Variants in ZFHX4 observed in about 807,000 individuals in gnomAD.
ZFHX4 encodes the protein zinc finger homeobox 4.
Under a neutral mutation model 267.6 loss-of-function variants are expected in ZFHX4, and 56 were observed. That is an observed-to-expected ratio of 0.21 (90% CI 0.17 to 0.26). ZFHX4 has a LOEUF of 0.26. Among genes scored for constraint, ZFHX4 ranks in the 10% least tolerant of loss-of-function variants. The probability of loss-of-function intolerance (pLI) is 1.00; values close to 1 mark genes in which losing one functional copy is unlikely to be tolerated. For synonymous variants in ZFHX4, 1,778 were observed against 1,665.6 expected (o/e 1.07, Z -1.64); for missense variants, 4,332 against 4,420.0 (o/e 0.98, Z 0.56).
intron 3 of ZFHX4, among the ~76,000 whole-genome samples, chr8:76,767,041 AGG>A (rs1491309093): frequency 7.5e-6 from 1 of 133,602 alleles, no homozygotes; most frequent in African/African-American, 3.5e-5. Flanking sequence ...TGTCTCATAA[AGG>A]GGTGTGTGTG....
At position 76,706,572 on chromosome 8, in the gene ZFHX4, C is replaced by G; in HGVS notation, c.2484C>G (p.Asn828Lys). 1 of 1,611,930 alleles carries G rather than the reference C, an allele frequency of 6.2e-7. No homozygotes were observed. The highest frequency in any genetic ancestry group is 1.1e-5 in the South Asian group (1 of 90,638). ...TTTATCAGTACTACCTAGCCCAGAACATAGGCCTGACCGGAATGAAGCTGG... is the reference window on the plus strand; with the variant it reads ...TTTATCAGTACTACCTAGCCCAGAAGATAGGCCTGACCGGAATGAAGCTGG... ...AELYQYYLAQ[N>K]IGLTGMKLEN... Residue 828 changes from asparagine to lysine, a missense_variant, in exon 2 of 11, where the codon AAC (asparagine) becomes AAG (lysine). Physicochemically the swap from Asn to Lys is moderately conservative, Grantham distance 94 (BLOSUM62 0). Coordinates refer to ENST00000651372, the MANE Select transcript of ZFHX4 (RefSeq NM_024721.5).
At chr8:76,764,017 C>G (rs1809987082) in intron 3 of ZFHX4, among the ~76,000 whole-genome samples, 1 of 152,084 alleles carries the variant, frequency 6.6e-6, no homozygotes, top group Non-Finnish European at 1.5e-5. Flanking sequence ...ATGGTTTGGT[C>G]TCAACAACAT....
intron 4 of ZFHX4, among the ~76,000 whole-genome samples, chr8:76,813,043 C>T (rs1207510118): frequency 3.9e-5 from 6 of 152,052 alleles, no homozygotes; most frequent in Admixed American, 3.9e-4. Flanking sequence ...CATGGCCTTT[C>T]TCAGGATCTT....
chr8:76,721,001 G>A (rs7813209), intron 3 of ZFHX4, among the ~76,000 whole-genome samples: 29,160 of 152,070 alleles, frequency 0.19, 3,300 homozygotes, highest in African/African-American at 0.32. Context: ...GATGCTGCCT[G>A]GAGAGGGGAT....
At chr8:76,727,640 G>T (rs73347359) in intron 3 of ZFHX4, among the ~76,000 whole-genome samples, 7,881 of 152,158 alleles carry the variant, frequency 0.052, 421 homozygotes, top group East Asian at 0.24. Context: ...ATTCATAGTA[G>T]TCTACCATAA....
In ZFHX4 at chr8:76,865,015, A is replaced by G; in HGVS notation, c.*450A>G. The G allele has an allele frequency of 6.5e-6, 1 of 153,318 alleles. No homozygotes were observed. The highest frequency in any genetic ancestry group is 1.5e-5 in the Non-Finnish European group (1 of 68,446). The allele number at this position is 153,318 out of a possible 1,614,324, so 9.5% of individuals were successfully genotyped here. A position where few individuals can be genotyped will look rare whatever the true frequency, so the allele number is the denominator to read the frequency against. On this transcript the variant is annotated 3_prime_UTR_variant, in exon 11 of 11. Transcript: ENST00000651372. Reference sequence around the variant, plus strand: ...AACATAACATTTCTCATTTGTTAAAAGCAGCAAGAAGCCTGGTAAAACTGT... The same window carrying G: ...AACATAACATTTCTCATTTGTTAAAGGCAGCAAGAAGCCTGGTAAAACTGT...
Position 76,707,932 on chromosome 8 carries a change from A to G in ZFHX4, c.2977A>G (p.Ile993Val). 1 of 1,614,094 alleles carries G rather than the reference A, an allele frequency of 6.2e-7. No individual in the cohort carries two copies. Among genetic ancestry groups the G allele is most frequent in the South Asian group, 1.1e-5 (1 of 91,084 alleles). Residue 993 changes from isoleucine to valine, a missense_variant, in exon 3 of 11, where the codon ATT becomes GTT. Ile to Val is a conservative substitution (Grantham distance 29). Around this residue, in one of 7 missense-constraint regions of ZFHX4, gnomAD observed 1,371 missense variants for 1,423.1 expected, o/e 0.96. Coordinates refer to ENST00000651372, the MANE Select transcript of ZFHX4 (RefSeq NM_024721.5). ...SNEWRLKCIA[I>V]GNPVHLKCNA... Reference sequence around the variant, plus strand: ...TGAGTGGAGGTTGAAGTGTATTGCCATTGGCAACCCTGTTCACCTAAAATG... The same window carrying G: ...TGAGTGGAGGTTGAAGTGTATTGCCGTTGGCAACCCTGTTCACCTAAAATG...
At chr8:76,720,977 CT>C (rs1161768117) in intron 3 of ZFHX4, among the ~76,000 whole-genome samples, 1 of 152,100 alleles carries the variant, frequency 6.6e-6, no homozygotes. Context: ...AAATAGAACA[CT>C]TTATTACAGT....
At chr8:76,842,536 G>C (rs534721037) in intron 5 of ZFHX4, 119 bp from the exon 6 acceptor site, 53 of 656,742 alleles carry the variant, frequency 8.1e-5, no homozygotes, top group Non-Finnish European at 1.2e-4. Flanking sequence ...TCTCATTTGA[G>C]TATGAATATC....
chr8:76,761,342 A>G (rs557135148), intron 3 of ZFHX4, among the ~76,000 whole-genome samples: 10 of 152,378 alleles, frequency 6.6e-5, no homozygotes, highest in African/African-American at 2.4e-4. Context: ...TGAGTTGCCC[A>G]TGCAATACAC....
rs1015422349 is a variant in ZFHX4, at chr8:76,753,629, C to G, written c.3094-24579C>G. Among the ~76,000 whole-genome samples the G allele has an allele frequency of 6.0e-5, 7 of 117,416 alleles. 1 individual carries two copies. Among genetic ancestry groups the G allele is most frequent in the Middle Eastern group, 5.2e-3 (1 of 194 alleles). The allele number at this position is 117,416 out of a possible 152,430, so 77.0% of individuals were successfully genotyped here. A position where few individuals can be genotyped will look rare whatever the true frequency, so the allele number is the denominator to read the frequency against. Reference sequence around the variant, plus strand: ...CACAGTCACTTCATTCGTCTTAGGCCTTTTTTTTTTTTTTTTTTTTTTGGA... The same window carrying G: ...CACAGTCACTTCATTCGTCTTAGGCGTTTTTTTTTTTTTTTTTTTTTTGGA... On this transcript the variant is annotated intron_variant, in intron 3 of 10. Coordinates refer to ENST00000651372, the MANE Select transcript of ZFHX4 (RefSeq NM_024721.5).
chr8:76,706,472 T>C lies in ZFHX4; in HGVS notation c.2384T>C (p.Met795Thr). 1.2e-6 allele frequency: 2 copies of C among 1,614,048 alleles called. No individual in the cohort carries two copies. The highest frequency in any genetic ancestry group is 1.7e-6 in the Non-Finnish European group (2 of 1,179,954). ...ACCAGCGAAAAGCACATGCATAATA[T>C]GATGCTTTTGCAGCAGAACATGAAG... ...HMTSEKHMHN[M>T]MLLQQNMKQI... Residue 795 changes from methionine to threonine, a missense_variant, in exon 2 of 11, where the codon ATG (methionine) becomes ACG (threonine). Physicochemically the swap from Met to Thr is moderately conservative, Grantham distance 81. Coordinates refer to ENST00000651372, the MANE Select transcript of ZFHX4 (RefSeq NM_024721.5).
intron 3 of ZFHX4, among the ~76,000 whole-genome samples, chr8:76,729,065 G>A (rs997431281): frequency 6.6e-6 from 1 of 152,130 alleles, no homozygotes; most frequent in Non-Finnish European, 1.5e-5. Flanking sequence ...TTGCTCGTTA[G>A]TGGTTCTTAA....
intron 3 of ZFHX4, among the ~76,000 whole-genome samples, chr8:76,776,597 T>G (rs1484387527): frequency 6.6e-6 from 1 of 152,186 alleles, no homozygotes; most frequent in Non-Finnish European, 1.5e-5. Flanking sequence ...TCTCATCTTT[T>G]GAATCTTTCA....
In ZFHX4 at chr8:76,864,261, C is replaced by T. The variant is rs768045208; in HGVS notation, c.10547C>T (p.Pro3516Leu). 2 of 1,613,890 alleles carry T rather than the reference C, an allele frequency of 1.2e-6. No homozygotes were observed. Among genetic ancestry groups the T allele is most frequent in the Admixed American group, 3.3e-5 (2 of 60,000 alleles). Residue 3516 changes from proline to leucine, a missense_variant, in exon 11 of 11, where the codon CCT becomes CTT. Coordinates refer to ENST00000651372, the MANE Select transcript of ZFHX4 (RefSeq NM_024721.5). Reference sequence around the variant, plus strand: ...GCAGCTTCTTCTAATAACACCTATCCTCATCTTTCTTGCTTCTCCATGAAG... The same window carrying T: ...GCAGCTTCTTCTAATAACACCTATCTTCATCTTTCTTGCTTCTCCATGAAG... The part of the protein sequence containing the change: ...QSAASSNNTY[P>L]HLSCFSMKSW...
chr8:76,755,879 T>C (rs1256176274), intron 3 of ZFHX4, among the ~76,000 whole-genome samples: 1 of 152,274 alleles, frequency 6.6e-6, no homozygotes, highest in East Asian at 1.9e-4. Context: ...TGTATACTGA[T>C]AATATGAGAG....
At chr8:76,845,618 A>C (rs1812344970) in intron 6 of ZFHX4, among the ~76,000 whole-genome samples, 1 of 152,008 alleles carries the variant, frequency 6.6e-6, no homozygotes, top group Admixed American at 6.6e-5. Flanking sequence ...ATAACTCAGT[A>C]CTTTTATTTT....
chr8:76,849,137 T>C lies in ZFHX4; in HGVS notation c.3645+9T>C. On this transcript the variant is annotated intron_variant, in intron 7 of 10. Transcript: ENST00000651372. ...AATTCTGTCATGAACAGGTAAATACTTTTTTTCCCCTTTACTGTGTAAATC... is the reference window on the plus strand; with the variant it reads ...AATTCTGTCATGAACAGGTAAATACCTTTTTTCCCCTTTACTGTGTAAATC... The C allele has an allele frequency of 6.5e-7, 1 of 1,538,448 alleles. No homozygotes were observed.
chr8:76,729,123 G>A (rs1808868544), intron 3 of ZFHX4, among the ~76,000 whole-genome samples: 1 of 152,074 alleles, frequency 6.6e-6, no homozygotes, highest in Non-Finnish European at 1.5e-5. Context: ...CCTTTAATAG[G>A]ACACATACAA....
Sources: allele counts gnomAD v4.1 joint callset (sites outside exome capture counted in the v4.1 genomes callset), GRCh38; gene constraint gnomAD v4.1.1; regional missense constraint gnomAD v4.1.1; transcripts MANE v1.5; gene names NCBI Gene and HGNC (gene_info 2026-07-23, HGNC 2026-07-21).